The following TM9SF1 variants were observed in gnomAD, a reference collection of about 807,000 sequenced individuals.
TM9SF1 encodes the protein MP70 protein family member.
TM9SF1 carries 25 observed loss-of-function variants against 52.4 expected under a neutral mutation model. That is an observed-to-expected ratio of 0.48 (90% CI 0.35 to 0.67). TM9SF1 has a LOEUF of 0.67. Among genes scored for constraint, TM9SF1 ranks in the 30% least tolerant of loss-of-function variants. The pLI, the probability that TM9SF1 is intolerant of heterozygous loss-of-function variation, is 0.01. For missense variants in TM9SF1, 604 were observed against 780.3 expected, an observed-to-expected ratio of 0.77 and a Z score of 2.69; for synonymous variants, 284 against 299.8, an observed-to-expected ratio of 0.95 and a Z score of 0.55.
At chr14:24,193,856 C>G (rs2039359513) in intron 2 of TM9SF1, among the ~76,000 whole-genome samples, 1 of 151,024 alleles carries the variant, frequency 6.6e-6, no homozygotes, top group Admixed American at 6.6e-5. Context: ...GGAGGTGGAG[C>G]TTGCAGTGAG....
intron 4 of TM9SF1, among the ~76,000 whole-genome samples, chr14:24,190,878 T>C (rs556643538): frequency 0.014 from 1,450 of 101,102 alleles, 28 homozygotes; most frequent in African/African-American, 0.049. Flanking sequence ...TTTTTTTTTT[T>C]TGAGACAGAG....
At chr14:24,193,649 G>A (rs533997445) in intron 2 of TM9SF1, among the ~76,000 whole-genome samples, 32 of 150,836 alleles carry the variant, frequency 2.1e-4, no homozygotes, top group East Asian at 1.6e-3. Context: ...GGTCGGGTGC[G>A]GAGGCTCATG....
At chr14:24,194,353 C>T (rs1238849609) in intron 2 of TM9SF1, among the ~76,000 whole-genome samples, 2 of 152,134 alleles carry the variant, frequency 1.3e-5, no homozygotes, top group African/African-American at 4.8e-5. Flanking sequence ...AAGAGGTAGG[C>T]ATGGAAGGAA....
intron 2 of TM9SF1, among the ~76,000 whole-genome samples, chr14:24,194,099 T>C (rs2039363982): frequency 1.3e-5 from 2 of 152,152 alleles, no homozygotes; most frequent in African/African-American, 2.4e-5. Flanking sequence ...TCTCCAGACA[T>C]TGCTAAATGT....
Position 24,192,125 on chromosome 14 carries a change from C to A in TM9SF1, c.1153+46G>T. The A allele has an allele frequency of 6.3e-7, 1 of 1,588,816 alleles. No individual in the cohort carries two copies. Among genetic ancestry groups the A allele is most frequent in the South Asian group, 1.1e-5 (1 of 90,454 alleles). On this transcript the variant is annotated intron_variant, in intron 4 of 5. Transcript: ENST00000261789. The surrounding 1 kb of genome is among the most constrained non-coding windows in gnomAD (Gnocchi z 4.0). ...CTGTGACCAGCCACAATGTGTTCTT[C>A]ATTCCTAAGTCCAGAAAGGCCCACC...
chr14:24,190,724 C>A (rs932730494), intron 4 of TM9SF1, 71 bp from the exon 5 acceptor site: 1 of 1,425,538 alleles, frequency 7.0e-7, no homozygotes, highest in Non-Finnish European at 9.4e-7. Flanking sequence ...CACTTACATC[C>A]AGGACCAAAA....
chr14:24,192,988 A>G lies in TM9SF1; in HGVS notation c.627T>C (p.Ser209=). Reference sequence around the variant, plus strand: ...CACTCCGACGCTCCACTGAAGTCTCAGACCAGCGCACGCTATAAGTGTGGG... The same window carrying G: ...CACTCCGACGCTCCACTGAAGTCTCGGACCAGCGCACGCTATAAGTGTGGG... ...GLTHTYSVRW[S]ETSVERRSDR... is the part of the protein sequence containing the mutation. The change falls in exon 3 of 6, where the codon TCT becomes TCC. Residue 209 remains serine, a synonymous_variant. Coordinates refer to ENST00000261789, the MANE Select transcript of TM9SF1 (RefSeq NM_006405.7). The surrounding 1 kb of genome is among the most constrained non-coding windows in gnomAD (Gnocchi z 4.0). The G allele has an allele frequency of 6.2e-7, 1 of 1,614,142 alleles. No individual in the cohort carries two copies. Among genetic ancestry groups the G allele is most frequent in the Non-Finnish European group, 8.5e-7 (1 of 1,179,958 alleles).
chr14:24,189,454 CT>C lies in TM9SF1; in HGVS notation c.1781del (p.Lys594SerfsTer41). On this transcript the variant is annotated frameshift_variant, in exon 6 of 6. Coordinates refer to ENST00000261789, the MANE Select transcript of TM9SF1 (RefSeq NM_006405.7). LOFTEE classifies it high-confidence loss of function. Reference protein sequence around the residue: ...LGTISFFSSLKFIRYIYVNLK... With the variant: ...LGTISFFSSLXFIRYIYVNLK... ...GGTTAACATAGATATACCGGATGAA[CT>C]TTAGGGAAGAAAAAAAGGAGATGGT... 1 of 1,613,986 alleles carries C rather than the reference CT, an allele frequency of 6.2e-7. No individual in the cohort carries two copies.
rs1294252272 is a variant in TM9SF1 at position 24,192,763 on chromosome 14, G to A, written c.852C>T (p.Asp284=). 2 of 1,614,028 alleles carry A rather than the reference G, an allele frequency of 1.2e-6. No individual in the cohort carries two copies. Among genetic ancestry groups the A allele is most frequent in the Non-Finnish European group, 8.5e-7 (1 of 1,180,030 alleles). ...TTSAGSGDDF[D]QGDNGWKIIH... Reference sequence around the variant, plus strand: ...TAATTTTCCAGCCATTGTCACCCTGGTCAAAGTCATCACCAGAACCTGCAG... The same window carrying A: ...TAATTTTCCAGCCATTGTCACCCTGATCAAAGTCATCACCAGAACCTGCAG... The change falls in exon 3 of 6, where the codon GAC becomes GAT. Residue 284 remains aspartate (D), a synonymous_variant. Transcript: ENST00000261789. This position sits in a 1 kb window ranked among gnomAD's most constrained non-coding sequence, Gnocchi z 4.0.
Position 24,190,456 on chromosome 14 carries a change from C to T in TM9SF1, c.1351G>A (p.Ala451Thr), listed in dbSNP as rs778795340. The change falls in exon 5 of 6, where the codon GCC (alanine) becomes ACC (threonine). Residue 451 changes from alanine (A) to threonine (T), a missense_variant. This residue lies in a region of TM9SF1 where 450 missense variants were observed against 560.1 expected (regional missense o/e 0.80). Transcript: ENST00000261789. ...FDAPCRTKNI[A>T]REIPPQPWYK... The stretch of plus-strand genomic sequence containing the variant: ...CAGGGCTGGGGTGGAATCTCCCGGG[C>T]GATGTTCTTGGTGCGACAGGGTGCA... The T allele has an allele frequency of 8.1e-6, 13 of 1,613,650 alleles. No individual in the cohort carries two copies. The highest frequency in any genetic ancestry group is 1.7e-4 in the Middle Eastern group (1 of 6,060).
At chr14:24,190,865 T>G (rs1468699027) in intron 4 of TM9SF1, among the ~76,000 whole-genome samples, 2 of 135,248 alleles carry the variant, frequency 1.5e-5, no homozygotes, top group Admixed American at 7.3e-5. Context: ...TTTTTTTTTT[T>G]TTTTTTTTTT....
At chr14:24,189,874 G>A (rs1365825356) in intron 5 of TM9SF1, 66 bp from the exon 6 acceptor site, 2 of 1,509,698 alleles carry the variant, frequency 1.3e-6, no homozygotes, top group South Asian at 2.7e-5. Flanking sequence ...TGGCTGGGCT[G>A]AAATCCAGCC....
Position 24,190,657 on chromosome 14 carries a change from C to T in TM9SF1, c.1154-4G>A, listed in dbSNP as rs528451495. On this transcript the variant is annotated splice_region_variant and splice_polypyrimidine_tract_variant and intron_variant, in intron 4 of 5. Coordinates refer to ENST00000261789, the MANE Select transcript of TM9SF1 (RefSeq NM_006405.7). The stretch of plus-strand genomic sequence containing the variant: ...CTCCACGTCAGGAAGAAAGGCACTG[C>T]AGGGATGGGCCCCCGGAGGGAGGGT... 43 of 1,605,220 alleles carry T rather than the reference C, an allele frequency of 2.7e-5. No homozygotes were observed. The African/African-American group carries it at 4.9e-4, about 18-fold the overall frequency.
chr14:24,193,380 T>C, intron 2 of TM9SF1, 111 bp from the exon 3 acceptor site: 1 of 1,259,752 alleles, frequency 7.9e-7, no homozygotes, highest in Non-Finnish European at 1.1e-6. Flanking sequence ...TAATTCTTTT[T>C]TTTCGAGATG....
chr14:24,192,487 A>T lies in TM9SF1; in HGVS notation c.968-131T>A. 7.2e-7 allele frequency: 1 copy of T among 1,390,366 alleles called. No homozygotes were observed. Among genetic ancestry groups the T allele is most frequent in the Non-Finnish European group, 9.8e-7 (1 of 1,023,252 alleles). The allele number at this position is 1,390,366 out of a possible 1,614,324, so 86.1% of individuals were successfully genotyped here. On this transcript the variant is annotated intron_variant, in intron 3 of 5. Transcript: ENST00000261789. This position sits in a 1 kb window ranked among gnomAD's most constrained non-coding sequence, Gnocchi z 4.0. ...ACAATCTCCCCCAGTTTTGCTATCC[A>T]GAAAATCTACAATAGAATACGTGCA...
intron 5 of TM9SF1, 74 bp from the exon 6 acceptor site, chr14:24,189,882 G>A (rs1253864460): frequency 4.7e-6 from 7 of 1,500,376 alleles, no homozygotes; most frequent in Non-Finnish European, 6.2e-6. Context: ...CTGAAATCCA[G>A]CCCCCACCCT....
intron 4 of TM9SF1, chr14:24,191,918 G>A (rs2138831447): frequency 2.5e-6 from 1 of 402,766 alleles, no homozygotes; most frequent in Non-Finnish European, 4.7e-6. Context: ...CCAGGCTCAA[G>A]CAATCCTCCT....
In TM9SF1 at chr14:24,190,606, T is replaced by C; in HGVS notation, c.1201A>G (p.Asn401Asp). Residue 401 changes from asparagine to aspartate, a missense_variant, in exon 5 of 6, where the codon AAT (asparagine) becomes GAT (aspartate). Around this residue, in one of 3 missense-constraint regions of TM9SF1, gnomAD observed 450 missense variants for 560.1 expected, o/e 0.80. Coordinates refer to ENST00000261789, the MANE Select transcript of TM9SF1 (RefSeq NM_006405.7). ...WSVVNSVHWANGSTQALPATT... is the reference protein window; with the variant it reads ...WSVVNSVHWADGSTQALPATT... The stretch of plus-strand genomic sequence containing the variant: ...GCTGGCAGAGCCTGTGTCGAACCAT[T>C]GGCCCAATGCACTGAGTTCACCACA... 1 of 1,614,064 alleles carries C rather than the reference T, an allele frequency of 6.2e-7. No homozygotes were observed.
Position 24,192,877 on chromosome 14 carries a change from C to T in TM9SF1, c.738G>A (p.Val246=), listed in dbSNP as rs769607074. ...WLSIINSMVL[V]FLLVGFVAVI... ...CAGCCACAAAACCCACCAGTAAAAA[C>T]ACAAGCACCATGGAGTTGATGATGG... Residue 246 remains valine, a synonymous_variant, in exon 3 of 6, where the codon GTG becomes GTA. Coordinates refer to ENST00000261789, the MANE Select transcript of TM9SF1 (RefSeq NM_006405.7). The surrounding 1 kb of genome is among the most constrained non-coding windows in gnomAD (Gnocchi z 4.0). 8.7e-6 allele frequency: 14 copies of T among 1,614,072 alleles called. No individual in the cohort carries two copies. The Admixed American group carries it at 1.0e-4, about 12-fold the overall frequency.
Sources: allele counts gnomAD v4.1 joint callset (sites outside exome capture counted in the v4.1 genomes callset), GRCh38; gene constraint gnomAD v4.1.1; regional missense constraint gnomAD v4.1.1; non-coding constraint Gnocchi (gnomAD v3.1); transcripts MANE v1.5; gene names NCBI Gene and HGNC (gene_info 2026-07-23, HGNC 2026-07-21).